Variants in ZNF276 observed in about 807,000 individuals in gnomAD.
ZNF276 encodes centromere protein Z.
ZNF276 carries 59 observed loss-of-function variants against 63.9 expected under a neutral mutation model. That is an observed-to-expected ratio of 0.92 (90% CI 0.75 to 1.15). The LOEUF (loss-of-function observed/expected upper bound fraction) is 1.15, where lower values mean the gene tolerates loss of function less well. Ranked by LOEUF, ZNF276 falls within the 50% of genes most tolerant of loss-of-function variation. ZNF276 has a pLI of 0.00. For synonymous variants in ZNF276, 496 were observed against 348.4 expected (o/e 1.42, Z -4.72); for missense variants, 1,084 against 843.8 (o/e 1.28, Z -3.53).
chr16:89,722,474 C>G, intron 1 of ZNF276, 57 bp from the exon 2 acceptor site: 2 of 1,538,394 alleles, frequency 1.3e-6, no homozygotes, highest in Non-Finnish European at 1.8e-6. Flanking sequence ...GTCCGGGACG[C>G]CCTGTGCTCA....
At position 89,740,531 on chromosome 16, in the gene ZNF276, G is replaced by C. The variant is rs1311193442; in HGVS notation, c.*2285G>C. ...CACGCCTGTAATCCCAGCTACTCGG[G>C]AGGCTGATGCAGGAGAATTGCTTGA... On this transcript the variant is annotated 3_prime_UTR_variant, in exon 11 of 11. Transcript: ENST00000443381. 1.2e-5 allele frequency: 6 copies of C among 512,642 alleles called. No individual in the cohort carries two copies. The highest frequency in any genetic ancestry group is 1.2e-4 in the African/African-American group (6 of 51,992). 31.8% of individuals were successfully genotyped at this position (512,642 alleles called of 1,614,324 possible). A position where few individuals can be genotyped will look rare whatever the true frequency, so the allele number is the denominator to read the frequency against.
intron 6 of ZNF276, 92 bp downstream of exon 6, chr16:89,729,410 G>A (rs1405143126): frequency 3.5e-6 from 4 of 1,138,446 alleles, no homozygotes; most frequent in African/African-American, 3.1e-5. Flanking sequence ...TGCCCACTCA[G>A]TTCACTCTCT....
upstream of ZNF276, chr16:89,720,666 T>C (rs1039917454): frequency 3.2e-6 from 4 of 1,242,726 alleles, no homozygotes; most frequent in African/African-American, 4.8e-5. Context: ...CGCTCCCAAG[T>C]CTCCAGCCCG....
intron 6 of ZNF276, chr16:89,732,092 G>T (rs2061672896): frequency 6.6e-6 from 1 of 152,240 alleles, no homozygotes; most frequent in African/African-American, 2.4e-5. Flanking sequence ...TGGTGAAGAA[G>T]TTCCTTTCTG....
In ZNF276 at chr16:89,737,826, GA is replaced by G; in HGVS notation, c.1496del (p.Asp499AlafsTer45). 1 of 1,614,184 alleles carries G rather than the reference GA, an allele frequency of 6.2e-7. No individual in the cohort carries two copies. Among genetic ancestry groups the G allele is most frequent in the Non-Finnish European group, 8.5e-7 (1 of 1,180,034 alleles). On this transcript the variant is annotated frameshift_variant, in exon 10 of 11. Coordinates refer to ENST00000443381, the MANE Select transcript of ZNF276 (RefSeq NM_001113525.2). LOFTEE classifies it high-confidence loss of function. ...CTCAGAGGTGCGGAACTATATCTGT[GA>G]CGAATGTGGACAAACCTTCAAGCAG... ...IHTEVRNYIC[D>X]ECGQTFKQRK...
intron 4 of ZNF276, among the ~76,000 whole-genome samples, chr16:89,726,267 G>A (rs770744913): frequency 1.8e-4 from 28 of 152,028 alleles, no homozygotes; most frequent in Non-Finnish European, 3.7e-4. Flanking sequence ...CACGATATCA[G>A]CTCACCACAA....
rs895563179 is a variant in ZNF276, at chr16:89,735,774, G to T, written c.1474+1736G>T. On this transcript the variant is annotated intron_variant, in intron 9 of 10. Transcript: ENST00000443381. The stretch of plus-strand genomic sequence containing the variant: ...TTATCACCATGGCTGGAGTGCAGTG[G>T]CGCGATCTTGGCTCACTGTAACCTC... Among the ~76,000 whole-genome samples, 22 of 152,114 alleles carry T rather than the reference G, an allele frequency of 1.4e-4. 1 individual carries two copies. Among genetic ancestry groups the T allele is most frequent in the Admixed American group, 1.4e-3 (21 of 15,262 alleles).
Position 89,721,647 on chromosome 16 carries a change from C to CG in ZNF276, c.10dup (p.Asp4GlyfsTer34). On this transcript the variant is annotated frameshift_variant, in exon 1 of 11. Transcript: ENST00000443381. LOFTEE classifies it high-confidence loss of function. ...GCTGGCGTCCTCCGCTGCCATGAAG[C>CG]GGGACCGGCTGGGCCGCTTCCTGTC... 1.4e-6 allele frequency: 2 copies of CG among 1,470,000 alleles called. No homozygotes were observed. The highest frequency in any genetic ancestry group is 2.4e-5 in the Admixed American group (1 of 41,762). 91.1% of individuals were successfully genotyped at this position (1,470,000 alleles called of 1,614,324 possible).
At chr16:89,724,598 C>T (rs763000767) in intron 4 of ZNF276, among the ~76,000 whole-genome samples, 13 of 152,196 alleles carry the variant, frequency 8.5e-5, no homozygotes, top group Non-Finnish European at 1.6e-4. Context: ...AGTGAGCCGA[C>T]ATCGCACAAC....
chr16:89,724,476 A>G (rs1430834659), intron 4 of ZNF276, among the ~76,000 whole-genome samples: 4 of 152,144 alleles, frequency 2.6e-5, no homozygotes, highest in African/African-American at 9.7e-5. Context: ...GCGAAACCCC[A>G]TCGCTAATAA....
chr16:89,732,465 T>C (rs1385691447), intron 6 of ZNF276: 1 of 152,874 alleles, frequency 6.5e-6, no homozygotes, highest in African/African-American at 2.4e-5. Context: ...TTTGAGAGAG[T>C]GGATTCTGAG....
intron 5 of ZNF276, 75 bp from the exon 6 acceptor site, chr16:89,729,160 T>TAC: frequency 8.1e-7 from 1 of 1,233,088 alleles, no homozygotes; most frequent in Non-Finnish European, 1.2e-6. Flanking sequence ...TTTGGTATCT[T>TAC]TAGGCAGGAG....
At position 89,722,616 on chromosome 16, in the gene ZNF276, G is replaced by C; in HGVS notation, c.291G>C (p.Arg97Ser). Reference sequence around the variant, plus strand: ...GAAGCCTGCGCAGCATCTCCGAGAGGGCGCCTGGAGCGAGCATGGAGAGGC... The same window carrying C: ...GAAGCCTGCGCAGCATCTCCGAGAGCGCGCCTGGAGCGAGCATGGAGAGGC... ...SSRSLRSISE[R>S]APGASMERPS... Residue 97 changes from arginine (R) to serine (S), a missense_variant, in exon 2 of 11, where the codon AGG becomes AGC. By Grantham distance (110) the Arg-to-Ser change is moderately radical. Coordinates refer to ENST00000443381, the MANE Select transcript of ZNF276 (RefSeq NM_001113525.2). 1 of 1,612,044 alleles carries C rather than the reference G, an allele frequency of 6.2e-7. No individual in the cohort carries two copies. The highest frequency in any genetic ancestry group is 1.1e-5 in the South Asian group (1 of 91,090).
At chr16:89,735,522 C>T (rs1421810852) in intron 9 of ZNF276, among the ~76,000 whole-genome samples, 1 of 152,070 alleles carries the variant, frequency 6.6e-6, no homozygotes, top group East Asian at 1.9e-4. Context: ...TGGGTTTGGT[C>T]CTTCAGACTC....
At chr16:89,722,075 G>A (rs577900438) in intron 1 of ZNF276, among the ~76,000 whole-genome samples, 1 of 152,238 alleles carries the variant, frequency 6.6e-6, no homozygotes, top group Admixed American at 6.5e-5. Flanking sequence ...CGGCCAGAAG[G>A]GACCCGGCGT....
chr16:89,735,409 G>C (rs2061824557), intron 9 of ZNF276, among the ~76,000 whole-genome samples: 1 of 152,080 alleles, frequency 6.6e-6, no homozygotes, highest in South Asian at 2.1e-4. Context: ...ATTTACTGAA[G>C]TATTTTTTCA....
In ZNF276 at chr16:89,729,800, C is replaced by T. The variant is rs534995020; in HGVS notation, c.1169+482C>T. Among the ~76,000 whole-genome samples the T allele has an allele frequency of 3.3e-5, 5 of 152,332 alleles. No homozygotes were observed. The South Asian group carries it at 6.2e-4, about 19-fold the overall frequency. ...TGTCCATGGCCAGGCAGCCACGGTCCACTTCCCTGTTGAATGACTTCTGTG... is the reference window on the plus strand; with the variant it reads ...TGTCCATGGCCAGGCAGCCACGGTCTACTTCCCTGTTGAATGACTTCTGTG... On this transcript the variant is annotated intron_variant, in intron 6 of 10. Transcript: ENST00000443381.
chr16:89,731,283 T>C (rs1448816730), intron 6 of ZNF276, among the ~76,000 whole-genome samples: 3 of 152,248 alleles, frequency 2.0e-5, no homozygotes, highest in African/African-American at 7.2e-5. Context: ...AGATGGAGTC[T>C]TGCTCTGTTG....
rs955664564 is a variant in ZNF276, at chr16:89,739,625, G to A, written c.*1379G>A. On this transcript the variant is annotated 3_prime_UTR_variant, in exon 11 of 11. Transcript: ENST00000443381. ...ATTATCAGTGCTGGGGACACCCCTG[G>A]GGGTCGGGACGTGTACCCTGGGAGG... The A allele has an allele frequency of 2.6e-6, 4 of 1,528,590 alleles. No homozygotes were observed. Among genetic ancestry groups the A allele is most frequent in the Non-Finnish European group, 3.5e-6 (4 of 1,127,332 alleles). 94.7% of individuals were successfully genotyped at this position (1,528,590 alleles called of 1,614,324 possible).
Sources: allele counts gnomAD v4.1 joint callset (sites outside exome capture counted in the v4.1 genomes callset), GRCh38; gene constraint gnomAD v4.1.1; transcripts MANE v1.5; gene names NCBI Gene and HGNC (gene_info 2026-07-23, HGNC 2026-07-21).